The following GSK3B variants were observed in gnomAD, a reference collection of about 807,000 sequenced individuals.
The protein encoded by GSK3B is glycogen synthase kinase 3 beta, also known as glycogen synthase kinase-3 beta.
A neutral mutation model predicts 56.4 loss-of-function variants in GSK3B; 15 were observed. The ratio of observed to expected loss-of-function variants is 0.27; its 90% CI spans 0.18 to 0.41. The LOEUF is 0.41. GSK3B is among the 10% of genes least tolerant of loss of function. The pLI is 1.00. For missense variants in GSK3B, 300 were observed against 513.4 expected (o/e 0.58, Z 4.02); for synonymous variants, 181 against 188.9 (o/e 0.96, Z 0.34).
At position 120,068,384 on chromosome 3, in the gene GSK3B, C is replaced by A. The variant is rs1396504706; in HGVS notation, c.88+24963G>T. Among the ~76,000 whole-genome samples, 7 of 131,254 alleles carry A rather than the reference C, an allele frequency of 5.3e-5. No individual in the cohort carries two copies. In the Admixed American group the frequency reaches 5.6e-4, roughly 10 times the overall value. 86.1% of individuals were successfully genotyped at this position (131,254 alleles called of 152,430 possible). On this transcript the variant is annotated intron_variant, in intron 1 of 10. Transcript: ENST00000264235. ...CCAGCCTGGGCAACAGAGTGAGACT[C>A]CGTCTCAAAAAAAAAAAAAAAAAAA...
chr3:119,856,940 A>G (rs571249267), intron 9 of GSK3B, among the ~76,000 whole-genome samples: 38 of 152,326 alleles, frequency 2.5e-4, no homozygotes, highest in African/African-American at 9.1e-4. Flanking sequence ...GACCACTACA[A>G]TAAAGTGAGT....
At chr3:120,003,275 C>G (rs1030891372) in intron 1 of GSK3B, among the ~76,000 whole-genome samples, 35 of 152,296 alleles carry the variant, frequency 2.3e-4, no homozygotes, top group African/African-American at 8.2e-4. Flanking sequence ...GGCACAAGAG[C>G]CACCTCCTAC....
At chr3:120,058,428 C>T (rs1303145040) in intron 1 of GSK3B, among the ~76,000 whole-genome samples, 2 of 152,180 alleles carry the variant, frequency 1.3e-5, no homozygotes, top group African/African-American at 4.8e-5. Flanking sequence ...AGGGGCTCAA[C>T]AGCCACATGT....
At position 119,824,337 on chromosome 3, in the gene GSK3B, A is replaced by G. The variant is rs1191692540; in HGVS notation, c.*2451T>C. ...AAAAATCACACATCTCAGCACACACACACACACACACACACGCACACATGC... is the reference window on the plus strand; with the variant it reads ...AAAAATCACACATCTCAGCACACACGCACACACACACACACGCACACATGC... On this transcript the variant is annotated 3_prime_UTR_variant, in exon 11 of 11. Transcript: ENST00000264235. 4 of 219,118 alleles carry G rather than the reference A, an allele frequency of 1.8e-5. No individual in the cohort carries two copies. Among genetic ancestry groups the G allele is most frequent in the East Asian group, 6.6e-5 (1 of 15,148 alleles). 13.6% of individuals were successfully genotyped at this position (219,118 alleles called of 1,614,324 possible). A position where few individuals can be genotyped will look rare whatever the true frequency, so the allele number is the denominator to read the frequency against.
chr3:119,822,079 AC>A lies in GSK3B; in HGVS notation c.*4708del, dbSNP rs1405515215. On this transcript the variant is annotated 3_prime_UTR_variant, in exon 11 of 11. Coordinates refer to ENST00000264235, the MANE Select transcript of GSK3B (RefSeq NM_001146156.2). ...AAGGGAATGGGGAAAGGGAAAAAAA[AC>A]ATTGAGCATACTTTTCACAAAAAAG... 1.0e-5 allele frequency: 2 copies of A among 198,886 alleles called. No individual in the cohort carries two copies. The highest frequency in any genetic ancestry group is 4.6e-5 in the African/African-American group (2 of 43,260). The allele number at this position is 198,886 out of a possible 1,614,324, so 12.3% of individuals were successfully genotyped here. A position where few individuals can be genotyped will look rare whatever the true frequency, so the allele number is the denominator to read the frequency against.
chr3:119,874,055 A>G (rs895391786), intron 8 of GSK3B, among the ~76,000 whole-genome samples: 2 of 152,180 alleles, frequency 1.3e-5, no homozygotes, highest in African/African-American at 4.8e-5. Context: ...AAGAGGGCAA[A>G]GGAAGATTTA....
chr3:120,066,149 C>G, intron 1 of GSK3B, among the ~76,000 whole-genome samples: 1 of 152,148 alleles, frequency 6.6e-6, no homozygotes, highest in African/African-American at 2.4e-5. Context: ...CACAGACATA[C>G]AACCACACCC....
chr3:119,830,696 T>C (rs2055584918), intron 10 of GSK3B, among the ~76,000 whole-genome samples: 1 of 152,228 alleles, frequency 6.6e-6, no homozygotes. Context: ...AACTTCACAC[T>C]GATACATCTT....
intron 1 of GSK3B, among the ~76,000 whole-genome samples, chr3:120,006,357 A>G (rs1305035251): frequency 6.6e-6 from 1 of 152,194 alleles, no homozygotes; most frequent in Non-Finnish European, 1.5e-5. Flanking sequence ...CAGATCAAGG[A>G]GACAGAAAAT....
chr3:120,080,016 CAGGTG>C (rs2058404499), intron 1 of GSK3B, among the ~76,000 whole-genome samples: 1 of 152,084 alleles, frequency 6.6e-6, no homozygotes, highest in Admixed American at 6.6e-5. Flanking sequence ...GTATTATGGC[CAGGTG>C]AGGTGGCACA....
intron 1 of GSK3B, among the ~76,000 whole-genome samples, chr3:120,089,309 T>G: frequency 6.6e-6 from 1 of 152,218 alleles, no homozygotes; most frequent in East Asian, 1.9e-4. Context: ...TTAAATATCT[T>G]AAACGTTTTA....
chr3:119,969,110 C>T (rs1321584392), intron 2 of GSK3B, among the ~76,000 whole-genome samples: 3 of 151,642 alleles, frequency 2.0e-5, no homozygotes, highest in Non-Finnish European at 2.9e-5. Flanking sequence ...TGGCCAACAC[C>T]GTGAAACCCC....
chr3:120,011,571 A>G (rs1035191386), intron 1 of GSK3B, among the ~76,000 whole-genome samples: 3 of 152,234 alleles, frequency 2.0e-5, no homozygotes, highest in African/African-American at 7.2e-5. Context: ...GATGTAGACA[A>G]GGACCAATTC....
At chr3:120,012,888 G>T (rs2057790993) in intron 1 of GSK3B, among the ~76,000 whole-genome samples, 1 of 151,910 alleles carries the variant, frequency 6.6e-6, no homozygotes, top group Admixed American at 6.6e-5. Flanking sequence ...TCACTTTGTT[G>T]CCCAGGTTGG....
intron 9 of GSK3B, among the ~76,000 whole-genome samples, chr3:119,852,862 A>G (rs536429806): frequency 2.0e-5 from 3 of 152,226 alleles, no homozygotes; most frequent in Admixed American, 2.0e-4. Flanking sequence ...ATTTTCTCCC[A>G]TTCTGTAGGT....
intron 1 of GSK3B, among the ~76,000 whole-genome samples, chr3:120,056,572 T>A (rs1255403704): frequency 1.3e-5 from 2 of 152,118 alleles, no homozygotes; most frequent in African/African-American, 4.8e-5. Flanking sequence ...ACTCCTGACC[T>A]CAAGTGATTG....
At chr3:119,923,340 T>C in intron 4 of GSK3B, 33 bp downstream of exon 4, 1 of 1,148,312 alleles carries the variant, frequency 8.7e-7, no homozygotes, top group African/African-American at 1.5e-5. Context: ...AAAAATGTTT[T>C]CTAAAATGGA....
intron 9 of GSK3B, among the ~76,000 whole-genome samples, chr3:119,845,113 C>G (rs2055837503): frequency 6.6e-6 from 1 of 152,116 alleles, no homozygotes; most frequent in Non-Finnish European, 1.5e-5. Context: ...ATTCAACAGC[C>G]CTTCATGCTA....
chr3:120,016,335 A>G (rs2057827191), intron 1 of GSK3B, among the ~76,000 whole-genome samples: 1 of 152,214 alleles, frequency 6.6e-6, no homozygotes, highest in African/African-American at 2.4e-5. Flanking sequence ...GAAGAGCCAC[A>G]ATATACCATT....
Sources: gnomAD v4.1 joint callset for allele counts (sites outside exome capture counted in the v4.1 genomes callset) on GRCh38, gnomAD v4.1.1 for gene constraint, MANE v1.5 for transcripts, NCBI Gene and HGNC (gene_info 2026-07-23, HGNC 2026-07-21) for gene names.